The following OR2T12 variants were observed in gnomAD, a reference collection of about 807,000 sequenced individuals.
The protein encoded by OR2T12 is olfactory receptor 2T12.
For missense variants in OR2T12, 335 were observed against 404.3 expected, an observed-to-expected ratio of 0.83 and a Z score of 1.47; for synonymous variants, 127 against 160.5, an observed-to-expected ratio of 0.79 and a Z score of 1.58.
intron 2 of OR2T12, among the ~76,000 whole-genome samples, chr1:248,299,640 A>C (rs992565745): frequency 6.6e-6 from 1 of 152,190 alleles, no homozygotes; most frequent in African/African-American, 2.4e-5. Context: ...ACAGAAATTT[A>C]ACAAGGATAC....
intron 2 of OR2T12, 157 bp from the exon 3 acceptor site, chr1:248,295,743 C>T: frequency 2.3e-6 from 2 of 882,726 alleles, no homozygotes; most frequent in Admixed American, 5.3e-5. Flanking sequence ...TTTTCCTGAC[C>T]TGGCATTCAC....
At chr1:248,295,910 T>C (rs1228355499) in intron 2 of OR2T12, among the ~76,000 whole-genome samples, 2 of 152,202 alleles carry the variant, frequency 1.3e-5, no homozygotes, top group Non-Finnish European at 2.9e-5. Context: ...ATGTGCAGGT[T>C]AGTTACATAT....
Position 248,294,647 on chromosome 1 carries a change from T to A in OR2T12, c.932A>T (p.His311Leu). ...RWLGTCVNLK[H>L]QQNEAHRSR is the part of the protein sequence containing the mutation. ...TGACCTGTGGGCCTCATTTTGCTGG[T>A]GTTTTAGGTTTACACACGTCCCCAG... The change falls in exon 3 of 3, where the codon CAC (histidine) becomes CTC (leucine). Residue 311 changes from histidine (H) to leucine (L), a missense_variant. Physicochemically the swap from His to Leu is moderately conservative, Grantham distance 99 (BLOSUM62 -3). Transcript: ENST00000641276. The A allele has an allele frequency of 6.2e-7, 1 of 1,614,106 alleles. No homozygotes were observed. Among genetic ancestry groups the A allele is most frequent in the South Asian group, 1.1e-5 (1 of 91,078 alleles).
At chr1:248,302,670 T>A (rs1258366768) in intron 1 of OR2T12, among the ~76,000 whole-genome samples, 1 of 152,148 alleles carries the variant, frequency 6.6e-6, no homozygotes, top group Non-Finnish European at 1.5e-5. Flanking sequence ...CCAAAATGCT[T>A]GGGACCAGAT....
rs150159003 is a variant in OR2T12 at position 248,295,001 on chromosome 1, A to G, written c.578T>C (p.Phe193Ser). ...VRLACADTSV[F>S]ENAMYICCVL... is the part of the protein sequence containing the mutation. ...ACAGCAGATGTACATGGCGTTTTCGAAGACTGAAGTGTCAGCACAAGCCAA... is the reference window on the plus strand; with the variant it reads ...ACAGCAGATGTACATGGCGTTTTCGGAGACTGAAGTGTCAGCACAAGCCAA... The change falls in exon 3 of 3, where the codon TTC (phenylalanine) becomes TCC (serine). Residue 193 changes from phenylalanine (F) to serine (S), a missense_variant. Phe to Ser is a radical substitution (Grantham distance 155, BLOSUM62 -2). Coordinates refer to ENST00000641276, the MANE Select transcript of OR2T12 (RefSeq NM_001004692.2). 1.5e-4 allele frequency: 243 copies of G among 1,611,216 alleles called. 1 individual carries two copies. In the African/African-American group the frequency reaches 2.9e-3, roughly 19 times the overall value.
Position 248,293,268 on chromosome 1 carries a change from C to CAACAG in OR2T12, c.*1347_*1348insCTGTT, listed in dbSNP as rs1659658514. The CAACAG allele has an allele frequency of 1.3e-5, 2 of 152,010 alleles. No homozygotes were observed. The highest frequency in any genetic ancestry group is 4.1e-4 in the South Asian group (2 of 4,820). 9.4% of individuals were successfully genotyped at this position (152,010 alleles called of 1,614,324 possible). On this transcript the variant is annotated 3_prime_UTR_variant, in exon 3 of 3. Coordinates refer to ENST00000641276, the MANE Select transcript of OR2T12 (RefSeq NM_001004692.2). ...CTTTCACTTGTTCTAGAACAGTTACCTTTTGAAATTCAGGTTGGTCTGAAA... is the reference window on the plus strand; with the variant it reads ...CTTTCACTTGTTCTAGAACAGTTACCAACAGTTTTGAAATTCAGGTTGGTCTGAAA...
chr1:248,298,931 A>T (rs1659774289), intron 2 of OR2T12, among the ~76,000 whole-genome samples: 2 of 152,148 alleles, frequency 1.3e-5, no homozygotes, highest in Non-Finnish European at 2.9e-5. Context: ...TATCTAGCCA[A>T]ACTAAGCTTC....
At chr1:248,301,317 G>A (rs1034611108) in intron 2 of OR2T12, 56 bp downstream of exon 2, 1 of 151,986 alleles carries the variant, frequency 6.6e-6, no homozygotes. Context: ...TGTTTCTAAC[G>A]AGAAATTTGA....
rs756113026 is a variant in OR2T12 at position 248,294,711 on chromosome 1, C to T, written c.868G>A (p.Val290Met). Residue 290 changes from valine (V) to methionine (M), a missense_variant, in exon 3 of 3, where the codon GTG (valine) becomes ATG (methionine). By Grantham distance (21) the Val-to-Met change is conservative (BLOSUM62 1). Coordinates refer to ENST00000641276, the MANE Select transcript of OR2T12 (RefSeq NM_001004692.2). ...TPLLNPLIYS[V>M]RNSEVKEALK... The stretch of plus-strand genomic sequence containing the variant: ...GCTTCCTTGACCTCACTGTTCCTCA[C>T]ACTGTAGATGAGGGGATTTAGTAAA... 23 of 1,613,978 alleles carry T rather than the reference C, an allele frequency of 1.4e-5. No individual in the cohort carries two copies. The highest frequency in any genetic ancestry group is 1.9e-5 in the Non-Finnish European group (22 of 1,180,030).
intron 2 of OR2T12, among the ~76,000 whole-genome samples, chr1:248,300,103 A>G (rs1250413034): frequency 6.6e-6 from 1 of 152,126 alleles, no homozygotes; most frequent in African/African-American, 2.4e-5. Context: ...AAGTATAATA[A>G]TAATAAAATT....
Position 248,291,664 on chromosome 1 carries a change from G to A in OR2T12, c.*2952C>T, listed in dbSNP as rs1365926037. On this transcript the variant is annotated 3_prime_UTR_variant, in exon 3 of 3. Coordinates refer to ENST00000641276, the MANE Select transcript of OR2T12 (RefSeq NM_001004692.2). ...CTAAGCAAAAAGAACAAAGCTGGTG[G>A]CATCATGCTACCTTACTTCAAACTT... is the stretch of plus-strand genomic sequence containing the variant. The A allele has an allele frequency of 6.6e-6, 1 of 152,120 alleles. No individual in the cohort carries two copies. Among genetic ancestry groups the A allele is most frequent in the Non-Finnish European group, 1.5e-5 (1 of 68,020 alleles). The allele number at this position is 152,120 out of a possible 1,614,324, so 9.4% of individuals were successfully genotyped here. A position where few individuals can be genotyped will look rare whatever the true frequency, so the allele number is the denominator to read the frequency against.
intron 2 of OR2T12, among the ~76,000 whole-genome samples, chr1:248,296,953 C>T (rs971621348): frequency 6.6e-6 from 1 of 152,092 alleles, no homozygotes; most frequent in Non-Finnish European, 1.5e-5. Flanking sequence ...AATGGTAACG[C>T]CTAGGTTTTC....
Position 248,294,738 on chromosome 1 carries a change from G to A in OR2T12, c.841C>T (p.Pro281Ser), listed in dbSNP as rs761114896. 3 of 1,614,052 alleles carry A rather than the reference G, an allele frequency of 1.9e-6. No homozygotes were observed. Among genetic ancestry groups the A allele is most frequent in the South Asian group, 2.2e-5 (2 of 91,078 alleles). The stretch of plus-strand genomic sequence containing the variant: ...CTGTAGATGAGGGGATTTAGTAAAG[G>A]GGTGAACATAGTATAGAAGGCTGAC... ...VVSAFYTMFTPLLNPLIYSVR... is the reference protein window; with the variant it reads ...VVSAFYTMFTSLLNPLIYSVR... Residue 281 changes from proline to serine, a missense_variant, in exon 3 of 3, where the codon CCT (proline) becomes TCT (serine). Physicochemically the swap from Pro to Ser is moderately conservative, Grantham distance 74. Coordinates refer to ENST00000641276, the MANE Select transcript of OR2T12 (RefSeq NM_001004692.2).
rs79891108 is a variant in OR2T12, at chr1:248,294,604, T to A, written c.*12A>T. 6.2e-7 allele frequency: 1 copy of A among 1,611,144 alleles called. No homozygotes were observed. Among genetic ancestry groups the A allele is most frequent in the Non-Finnish European group, 8.5e-7 (1 of 1,178,528 alleles). ...TAATAAATTCAGGAACTTAGACTCA[T>A]CTGACACTAGATCATCTTGACCTGT... On this transcript the variant is annotated 3_prime_UTR_variant, in exon 3 of 3. Transcript: ENST00000641276.
chr1:248,296,294 G>A (rs1659726568), intron 2 of OR2T12, among the ~76,000 whole-genome samples: 1 of 152,124 alleles, frequency 6.6e-6, no homozygotes, highest in Non-Finnish European at 1.5e-5. Context: ...TTGCTATTGT[G>A]AATAGTGCCG....
Position 248,291,152 on chromosome 1 carries a change from T to G in OR2T12, c.*3464A>C, listed in dbSNP as rs1315704543. On this transcript the variant is annotated 3_prime_UTR_variant, in exon 3 of 3. Coordinates refer to ENST00000641276, the MANE Select transcript of OR2T12 (RefSeq NM_001004692.2). ...TCCAAAGGAAGAGAGGAAGTCAAAC[T>G]GCCTCTGTTTGCAGATTACATGATT... The G allele has an allele frequency of 6.6e-6, 1 of 152,160 alleles. No individual in the cohort carries two copies. Among genetic ancestry groups the G allele is most frequent in the African/African-American group, 2.4e-5 (1 of 41,444 alleles). The allele number at this position is 152,160 out of a possible 1,614,324, so 9.4% of individuals were successfully genotyped here. A position where few individuals can be genotyped will look rare whatever the true frequency, so the allele number is the denominator to read the frequency against.
Position 248,296,296 on chromosome 1 carries a change from A to G in OR2T12, c.-8-710T>C, listed in dbSNP as rs186704615. On this transcript the variant is annotated intron_variant, in intron 2 of 2. Coordinates refer to ENST00000641276, the MANE Select transcript of OR2T12 (RefSeq NM_001004692.2). ...TGGTTCCAAGTCTTTGCTATTGTGA[A>G]TAGTGCCGCAATAAACATATGTGTG... is the stretch of plus-strand genomic sequence containing the variant. Among the ~76,000 whole-genome samples, 953 of 152,258 alleles carry G rather than the reference A, an allele frequency of 6.3e-3. 7 individuals are homozygous for G. Among genetic ancestry groups the G allele is most frequent in the African/African-American group, 0.021 (889 of 41,502 alleles).
intron 2 of OR2T12, among the ~76,000 whole-genome samples, chr1:248,299,155 A>C (rs138601940): frequency 6.6e-6 from 1 of 152,160 alleles, no homozygotes; most frequent in Non-Finnish European, 1.5e-5. Flanking sequence ...AGCTAACATC[A>C]TAATGACAGG....
chr1:248,294,612 T>C lies in OR2T12; in HGVS notation c.*4A>G, dbSNP rs1253434496. 8 of 1,612,322 alleles carry C rather than the reference T, an allele frequency of 5.0e-6. No individual in the cohort carries two copies. Among genetic ancestry groups the C allele is most frequent in the Non-Finnish European group, 6.8e-6 (8 of 1,179,176 alleles). ...TCAGGAACTTAGACTCATCTGACAC[T>C]AGATCATCTTGACCTGTGGGCCTCA... On this transcript the variant is annotated 3_prime_UTR_variant, in exon 3 of 3. Coordinates refer to ENST00000641276, the MANE Select transcript of OR2T12 (RefSeq NM_001004692.2).
Sources: allele counts gnomAD v4.1 joint callset (sites outside exome capture counted in the v4.1 genomes callset), GRCh38; gene constraint gnomAD v4.1.1; transcripts MANE v1.5; gene names NCBI Gene and HGNC (gene_info 2026-07-23, HGNC 2026-07-21).